The following FAM13A variants were observed in gnomAD, a reference collection of about 807,000 sequenced individuals.
FAM13A encodes protein FAM13A.
FAM13A carries 76 observed loss-of-function variants against 129.6 expected under a neutral mutation model. The observed-to-expected ratio is 0.59, with a 90% CI of 0.49 to 0.71. FAM13A has a LOEUF of 0.71. Among genes scored for constraint, FAM13A ranks in the 30% least tolerant of loss-of-function variants. The probability of loss-of-function intolerance (pLI) is 0.00; values close to 1 mark genes in which losing one functional copy is unlikely to be tolerated. For synonymous variants in FAM13A, 443 were observed against 449.9 expected (o/e 0.98, Z 0.20); for missense variants, 1,108 against 1,249.3 (o/e 0.89, Z 1.70).
intron 4 of FAM13A, among the ~76,000 whole-genome samples, chr4:88,989,332 T>C (rs915188500): frequency 1.3e-5 from 2 of 151,408 alleles, no homozygotes; most frequent in East Asian, 2.0e-4. Context: ...CCAGGCACAG[T>C]GGCTCATGCC....
chr4:88,785,058 C>A (rs1056440154), intron 10 of FAM13A, among the ~76,000 whole-genome samples: 6 of 152,108 alleles, frequency 3.9e-5, no homozygotes, highest in Non-Finnish European at 8.8e-5. Flanking sequence ...ATCTTCGGTA[C>A]TGCTATTTCA....
intron 20 of FAM13A, 117 bp from the exon 21 acceptor site, chr4:88,737,672 C>A: frequency 1.2e-6 from 1 of 804,564 alleles, no homozygotes; most frequent in Non-Finnish European, 2.1e-6. Context: ...ATTCTTATCC[C>A]TCCCTGCCAA....
chr4:88,788,759 G>A lies in FAM13A; in HGVS notation c.1092-827C>T, dbSNP rs543593189. Among the ~76,000 whole-genome samples the A allele has an allele frequency of 2.6e-4, 40 of 152,164 alleles. No homozygotes were observed. In the South Asian group the frequency reaches 5.0e-3, roughly 19 times the overall value. ...TCTTAACTCAGAGTCCTCAAACCTT[G>A]TTTTTCTTCGCTTGAAAAAGAACTA... On this transcript the variant is annotated intron_variant, in intron 9 of 23. Coordinates refer to ENST00000264344, the MANE Select transcript of FAM13A (RefSeq NM_014883.4).
chr4:88,753,425 T>G (rs555753616), intron 14 of FAM13A, among the ~76,000 whole-genome samples: 2 of 152,226 alleles, frequency 1.3e-5, no homozygotes, highest in Non-Finnish European at 2.9e-5. Context: ...TCTCCCATGG[T>G]ATACACGAAA....
intron 4 of FAM13A, among the ~76,000 whole-genome samples, chr4:88,951,844 GC>G (rs139945740): frequency 0.14 from 20,571 of 152,026 alleles, 1,532 homozygotes; most frequent in Non-Finnish European, 0.16. Context: ...TATCTCCATT[GC>G]CTTGTATCTT....
intron 16 of FAM13A, among the ~76,000 whole-genome samples, chr4:88,749,519 C>G (rs558313021): frequency 6.6e-6 from 1 of 152,202 alleles, no homozygotes; most frequent in Non-Finnish European, 1.5e-5. Context: ...CCAGTTCCTG[C>G]TTACTGATTA....
intron 19 of FAM13A, among the ~76,000 whole-genome samples, chr4:88,744,976 A>T (rs1741003472): frequency 6.6e-6 from 1 of 152,214 alleles, no homozygotes; most frequent in Non-Finnish European, 1.5e-5. Context: ...ATTCTTAATG[A>T]TAAGAGAGCT....
Position 88,829,401 on chromosome 4 carries a change from T to C in FAM13A, c.1007+21619A>G, listed in dbSNP as rs1482916164. Among the ~76,000 whole-genome samples the C allele has an allele frequency of 2.0e-5, 3 of 152,190 alleles. No homozygotes were observed. The South Asian group carries it at 6.2e-4, about 32-fold the overall frequency. ...CTGCAGTGAGCCATGATTGTGCCAC[T>C]GCACTCCAGCCTAGGTGACAGAGTG... On this transcript the variant is annotated intron_variant, in intron 7 of 23. Coordinates refer to ENST00000264344, the MANE Select transcript of FAM13A (RefSeq NM_014883.4).
chr4:88,915,528 C>T (rs1749969328), intron 5 of FAM13A, among the ~76,000 whole-genome samples: 1 of 152,064 alleles, frequency 6.6e-6, no homozygotes, highest in South Asian at 2.1e-4. Flanking sequence ...AATTATATAC[C>T]TTATGAAACA....
At chr4:89,029,377 T>C (rs1768394124) in intron 2 of FAM13A, 83 bp downstream of exon 2, 1 of 1,094,198 alleles carries the variant, frequency 9.1e-7, no homozygotes, top group Non-Finnish European at 1.3e-6. Context: ...AGCCTAATCA[T>C]ACATTATGAA....
intron 1 of FAM13A, among the ~76,000 whole-genome samples, chr4:89,051,052 G>A (rs1771528985): frequency 6.6e-6 from 1 of 152,166 alleles, no homozygotes; most frequent in Non-Finnish European, 1.5e-5. Flanking sequence ...AAACAATGAG[G>A]AGGACAGATA....
chr4:88,831,982 G>A (rs1388477149), intron 7 of FAM13A, among the ~76,000 whole-genome samples: 1 of 151,540 alleles, frequency 6.6e-6, no homozygotes, highest in African/African-American at 2.4e-5. Context: ...CACTACCTGA[G>A]TTTATACTAC....
intron 7 of FAM13A, among the ~76,000 whole-genome samples, chr4:88,828,511 C>A (rs1251784749): frequency 6.6e-6 from 1 of 152,068 alleles, no homozygotes; most frequent in South Asian, 2.1e-4. Flanking sequence ...TTTTCCTGTA[C>A]AGTTTTATTA....
chr4:88,731,639 T>A (rs1737821269), intron 22 of FAM13A: 2 of 554,606 alleles, frequency 3.6e-6, no homozygotes, highest in African/African-American at 1.9e-5. Flanking sequence ...GGGTTCCTGC[T>A]ACTTGGGAAT....
chr4:88,842,637 A>G (rs1736021690), intron 7 of FAM13A, among the ~76,000 whole-genome samples: 1 of 152,262 alleles, frequency 6.6e-6, no homozygotes. Flanking sequence ...GATTGTGCCC[A>G]ATAACAATCT....
intron 6 of FAM13A, among the ~76,000 whole-genome samples, chr4:88,897,538 T>A (rs568525014): frequency 3.3e-5 from 5 of 152,326 alleles, no homozygotes; most frequent in Admixed American, 2.6e-4. Flanking sequence ...CTAATGGACA[T>A]AAGCCATTTC....
At chr4:88,936,795 T>A (rs1004316770) in intron 5 of FAM13A, 3 of 152,212 alleles carry the variant, frequency 2.0e-5, no homozygotes, top group African/African-American at 7.2e-5. Flanking sequence ...AAAAGATTTT[T>A]AAAATATTTT....
intron 7 of FAM13A, among the ~76,000 whole-genome samples, chr4:88,832,242 T>A (rs1251501948): frequency 6.6e-6 from 1 of 152,184 alleles, no homozygotes; most frequent in African/African-American, 2.4e-5. Flanking sequence ...TAACTCAAGA[T>A]GGATTAAATA....
chr4:88,731,004 C>T (rs565347897), intron 23 of FAM13A, among the ~76,000 whole-genome samples: 2 of 152,260 alleles, frequency 1.3e-5, no homozygotes, highest in Non-Finnish European at 2.9e-5. Flanking sequence ...GTTGGTGCCA[C>T]CACCAGCGGG....
Sources: allele counts gnomAD v4.1 joint callset (sites outside exome capture counted in the v4.1 genomes callset), GRCh38; gene constraint gnomAD v4.1.1; transcripts MANE v1.5; gene names NCBI Gene and HGNC (gene_info 2026-07-23, HGNC 2026-07-21).